Variants in SWAP70 observed in about 807,000 individuals in gnomAD.
SWAP70 encodes switching B cell complex subunit SWAP70.
Under a neutral mutation model 80.2 loss-of-function variants are expected in SWAP70, and 34 were observed. The observed-to-expected ratio is 0.42, with a 90% confidence interval of 0.32 to 0.56. The LOEUF is 0.56. Among genes scored for constraint, SWAP70 ranks in the 20% least tolerant of loss-of-function variants. SWAP70 has a pLI of 0.09. For synonymous variants in SWAP70, 239 were observed against 238.5 expected (o/e 1.00, Z -0.02); for missense variants, 578 against 690.7 (o/e 0.84, Z 1.83).
intron 9 of SWAP70, among the ~76,000 whole-genome samples, chr11:9,745,510 C>G (rs1205950904): frequency 6.6e-6 from 1 of 152,180 alleles, no homozygotes; most frequent in East Asian, 1.9e-4. Context: ...TATAGAAATT[C>G]ATTTGAAAAG....
chr11:9,685,725 C>T (rs1005442493), intron 1 of SWAP70, among the ~76,000 whole-genome samples: 4 of 152,032 alleles, frequency 2.6e-5, no homozygotes, highest in African/African-American at 9.7e-5. Flanking sequence ...TCTCTGACTC[C>T]CTGGTTCAAG....
chr11:9,702,831 A>G (rs76583543), intron 2 of SWAP70, among the ~76,000 whole-genome samples: 3,600 of 152,310 alleles, frequency 0.024, 116 homozygotes, highest in East Asian at 0.16. Flanking sequence ...AAGGGGTTTC[A>G]TGCTGAGAAA....
chr11:9,695,748 T>C (rs1402729836), intron 2 of SWAP70, among the ~76,000 whole-genome samples: 2 of 152,006 alleles, frequency 1.3e-5, no homozygotes, highest in African/African-American at 4.8e-5. Context: ...TTTGTTGTTG[T>C]TGTTGTTTTT....
intron 2 of SWAP70, among the ~76,000 whole-genome samples, chr11:9,707,306 C>T (rs1388781775): frequency 6.6e-6 from 1 of 151,818 alleles, no homozygotes; most frequent in South Asian, 2.1e-4. Context: ...TTTTGAACAA[C>T]ACCTCTTTTC....
chr11:9,674,686 T>C (rs1051418637), intron 1 of SWAP70, among the ~76,000 whole-genome samples: 2 of 151,894 alleles, frequency 1.3e-5, no homozygotes, highest in Non-Finnish European at 2.9e-5. Flanking sequence ...ATAAATAGGC[T>C]GGGTGCGGTG....
chr11:9,721,599 G>A (rs909557230), intron 3 of SWAP70, among the ~76,000 whole-genome samples: 1 of 151,418 alleles, frequency 6.6e-6, no homozygotes, highest in Non-Finnish European at 1.5e-5. Context: ...AGCCTCCTGA[G>A]TAGCTGGGAC....
At chr11:9,732,427 G>A in intron 6 of SWAP70, 102 bp from the exon 7 acceptor site, 1 of 1,184,432 alleles carries the variant, frequency 8.4e-7, no homozygotes, top group Non-Finnish European at 1.2e-6. Flanking sequence ...GGGCCTTCTG[G>A]CTCCCTGTCT....
At chr11:9,741,181 C>G (rs1035200154) in intron 9 of SWAP70, 5 of 151,988 alleles carry the variant, frequency 3.3e-5, no homozygotes, top group African/African-American at 1.2e-4. Flanking sequence ...TGTGGAGCAG[C>G]AAAAGATGTT....
rs1201412524 is a variant in SWAP70 at position 9,706,179 on chromosome 11, A to G, written c.241-7287A>G. ...TCTGTGTATACTTGGTGATCTGTATACACTGGTGATCTGTGTATACTTGGT... is the reference window on the plus strand; with the variant it reads ...TCTGTGTATACTTGGTGATCTGTATGCACTGGTGATCTGTGTATACTTGGT... On this transcript the variant is annotated intron_variant, in intron 2 of 11. Coordinates refer to ENST00000318950, the MANE Select transcript of SWAP70 (RefSeq NM_015055.4). Among the ~76,000 whole-genome samples the G allele has an allele frequency of 2.6e-3, 111 of 42,522 alleles. 1 individual carries two copies. The highest frequency in any genetic ancestry group is 0.013 in the African/African-American group (103 of 7,664). 27.9% of individuals were successfully genotyped at this position (42,522 alleles called of 152,430 possible). A position where few individuals can be genotyped will look rare whatever the true frequency, so the allele number is the denominator to read the frequency against.
chr11:9,736,418 G>T, intron 7 of SWAP70, among the ~76,000 whole-genome samples: 1 of 128,652 alleles, frequency 7.8e-6, no homozygotes. Flanking sequence ...CTTTTTCTTT[G>T]CATGTCTCAT....
intron 1 of SWAP70, among the ~76,000 whole-genome samples, chr11:9,687,286 A>G (rs1850644621): frequency 6.6e-6 from 1 of 152,230 alleles, no homozygotes; most frequent in Non-Finnish European, 1.5e-5. Flanking sequence ...ACAGTAAGAA[A>G]AGTTATACCA....
intron 2 of SWAP70, among the ~76,000 whole-genome samples, chr11:9,697,188 G>T (rs1850769439): frequency 6.7e-6 from 1 of 150,206 alleles, no homozygotes; most frequent in African/African-American, 2.4e-5. Context: ...ATAGTTTAAT[G>T]TCTTTTTACA....
At chr11:9,744,036 C>T (rs1474772808) in intron 9 of SWAP70, among the ~76,000 whole-genome samples, 1 of 150,316 alleles carries the variant, frequency 6.7e-6, no homozygotes, top group Non-Finnish European at 1.5e-5. Flanking sequence ...GATCTCGGCT[C>T]ACTGCAAGCT....
intron 3 of SWAP70, among the ~76,000 whole-genome samples, chr11:9,719,684 T>C (rs961445832): frequency 3.9e-5 from 6 of 152,236 alleles, no homozygotes; most frequent in Admixed American, 1.3e-4. Flanking sequence ...GTGTCCCCAT[T>C]TGAGTTCGTT....
At chr11:9,740,509 C>A in intron 9 of SWAP70, 162 bp downstream of exon 9, 1 of 731,014 alleles carries the variant, frequency 1.4e-6, no homozygotes, top group South Asian at 1.6e-5. Flanking sequence ...GAGACTCGAC[C>A]GGCTGGAGTG....
chr11:9,747,745 A>G (rs76569228), intron 9 of SWAP70, 113 bp from the exon 10 acceptor site: 44,546 of 997,718 alleles, frequency 0.045, 4,747 homozygotes, highest in East Asian at 0.3. Context: ...GGTGGAATGA[A>G]AGGGGGATTA....
At chr11:9,725,913 C>G (rs1318068919) in intron 4 of SWAP70, among the ~76,000 whole-genome samples, 1 of 99,992 alleles carries the variant, frequency 1.0e-5, no homozygotes, top group Non-Finnish European at 2.3e-5. Context: ...ACCACTGATC[C>G]AGAAAGATCT....
chr11:9,740,063 G>A lies in SWAP70; in HGVS notation c.1189-118G>A, dbSNP rs1851415707. The A allele has an allele frequency of 1.5e-5, 12 of 815,712 alleles. No homozygotes were observed. In the South Asian group the frequency reaches 1.8e-4, roughly 12 times the overall value. 50.5% of individuals were successfully genotyped at this position (815,712 alleles called of 1,614,324 possible). On this transcript the variant is annotated intron_variant, in intron 8 of 11. Coordinates refer to ENST00000318950, the MANE Select transcript of SWAP70 (RefSeq NM_015055.4). ...TTTAAGTTCAAGGATTGAAGGACAG[G>A]GTCCTGCCACCCTGATGGGCTGAGG...
intron 5 of SWAP70, 70 bp downstream of exon 5, chr11:9,728,269 T>G (rs1851252598): frequency 2.1e-6 from 3 of 1,404,542 alleles, no homozygotes; most frequent in Non-Finnish European, 2.8e-6. Flanking sequence ...GCTTCTCACC[T>G]TCTTCCACCT....
Sources: gnomAD v4.1 joint callset for allele counts (sites outside exome capture counted in the v4.1 genomes callset) on GRCh38, gnomAD v4.1.1 for gene constraint, MANE v1.5 for transcripts, NCBI Gene and HGNC (gene_info 2026-07-23, HGNC 2026-07-21) for gene names.